The following NKAIN2 variants were observed in gnomAD, a reference collection of about 807,000 sequenced individuals.
The protein encoded by NKAIN2 is sodium/potassium-transporting ATPase subunit beta-1-interacting protein 2.
A neutral mutation model predicts 32.6 loss-of-function variants in NKAIN2; 14 were observed. That is an observed-to-expected ratio of 0.43 (90% CI 0.28 to 0.67). The LOEUF is 0.67. Among genes scored for constraint, NKAIN2 ranks in the 30% least tolerant of loss-of-function variants. The probability of loss-of-function intolerance (pLI) is 0.17; values close to 1 mark genes in which losing one functional copy is unlikely to be tolerated. For synonymous variants in NKAIN2, 80 were observed against 87.2 expected (o/e 0.92, Z 0.46); for missense variants, 198 against 258.3 (o/e 0.77, Z 1.60).
chr6:124,049,034 G>T (rs981368799), intron 1 of NKAIN2, among the ~76,000 whole-genome samples: 2 of 151,960 alleles, frequency 1.3e-5, no homozygotes, highest in Non-Finnish European at 2.9e-5. Context: ...TTATTTATAA[G>T]ATCACATAAG....
chr6:124,656,422 C>G (rs1223620441), intron 3 of NKAIN2, among the ~76,000 whole-genome samples: 2 of 152,142 alleles, frequency 1.3e-5, no homozygotes, highest in African/African-American at 4.8e-5. Flanking sequence ...CCATCCCTAT[C>G]TCACAACTAT....
intron 3 of NKAIN2, among the ~76,000 whole-genome samples, chr6:124,602,620 C>A (rs764993786): frequency 2.0e-5 from 3 of 151,818 alleles, no homozygotes; most frequent in African/African-American, 4.8e-5. Context: ...AAAAGACCAG[C>A]AACTATGAAC....
chr6:124,500,714 A>T (rs942067230), intron 3 of NKAIN2, among the ~76,000 whole-genome samples: 4 of 151,940 alleles, frequency 2.6e-5, no homozygotes, highest in Non-Finnish European at 4.4e-5. Flanking sequence ...AAATGGGAAG[A>T]TAGGGCTAAT....
At chr6:123,973,057 G>C (rs772112606) in intron 1 of NKAIN2, among the ~76,000 whole-genome samples, 20 of 151,990 alleles carry the variant, frequency 1.3e-4, no homozygotes, top group Non-Finnish European at 2.5e-4. Flanking sequence ...ACAAATATTG[G>C]CTGATGAAAA....
intron 1 of NKAIN2, among the ~76,000 whole-genome samples, chr6:124,221,245 T>G (rs1791798955): frequency 6.6e-6 from 1 of 152,074 alleles, no homozygotes; most frequent in African/African-American, 2.4e-5. Context: ...GATGAGTTCA[T>G]GTACTTTGTA....
chr6:124,453,322 A>ACACACACAC (rs1776183191), intron 3 of NKAIN2, among the ~76,000 whole-genome samples: 5 of 63,876 alleles, frequency 7.8e-5, no homozygotes, highest in African/African-American at 2.6e-4. Context: ...CATGCATATA[A>ACACACACAC]ACACACACAC....
chr6:123,862,475 C>T (rs927444845), intron 1 of NKAIN2, among the ~76,000 whole-genome samples: 10 of 152,096 alleles, frequency 6.6e-5, no homozygotes, highest in African/African-American at 2.2e-4. Flanking sequence ...AAAGGTTAAA[C>T]GCAGTAACAC....
chr6:124,192,028 A>G (rs950313455), intron 1 of NKAIN2, among the ~76,000 whole-genome samples: 2 of 152,044 alleles, frequency 1.3e-5, no homozygotes, highest in Non-Finnish European at 2.9e-5. Context: ...TATCAAATTT[A>G]TTAATATTTT....
intron 1 of NKAIN2, among the ~76,000 whole-genome samples, chr6:123,880,301 A>T (rs557236941): frequency 3.9e-5 from 6 of 152,344 alleles, no homozygotes; most frequent in Middle Eastern, 3.4e-3. Context: ...GTCAAGGTCT[A>T]GTGAGCCCTG....
intron 3 of NKAIN2, among the ~76,000 whole-genome samples, chr6:124,471,791 T>C (rs1776985101): frequency 1.3e-5 from 2 of 152,120 alleles, no homozygotes; most frequent in South Asian, 4.1e-4. Context: ...TTCTATCATA[T>C]TTGTTTTTAC....
chr6:123,934,864 GAA>G lies in NKAIN2; in HGVS notation c.54+130613_54+130614del, dbSNP rs893262637. Among the ~76,000 whole-genome samples the G allele has an allele frequency of 4.4e-4, 67 of 151,700 alleles. 1 individual carries two copies. Among genetic ancestry groups the G allele is most frequent in the African/African-American group, 1.6e-3 (66 of 41,456 alleles). On this transcript the variant is annotated intron_variant, in intron 1 of 6. Transcript: ENST00000368417. ...TTAGCTGTGCTGTTACAAGTCTCTA[GAA>G]AAGTTGTAAAATCTATTTTCTACAT...
intron 1 of NKAIN2, among the ~76,000 whole-genome samples, chr6:124,254,743 A>G (rs1335384048): frequency 6.6e-6 from 1 of 152,180 alleles, no homozygotes; most frequent in East Asian, 1.9e-4. Flanking sequence ...TTGAAGTACT[A>G]GAACTCTAAT....
intron 3 of NKAIN2, among the ~76,000 whole-genome samples, chr6:124,593,234 C>T (rs968411883): frequency 1.3e-4 from 17 of 134,936 alleles, no homozygotes; most frequent in African/African-American, 4.3e-4. Flanking sequence ...TGTTTGTGTG[C>T]GTGTGCACCT....
intron 3 of NKAIN2, among the ~76,000 whole-genome samples, chr6:124,523,142 C>CA (rs60961771): frequency 0.77 from 89,326 of 115,510 alleles, 36,299 homozygotes; most frequent in Non-Finnish European, 0.9. Flanking sequence ...GACTCCGTCT[C>CA]AAAAAAAAAA....
chr6:124,627,198 A>G (rs1000187213), intron 3 of NKAIN2, among the ~76,000 whole-genome samples: 2 of 152,144 alleles, frequency 1.3e-5, no homozygotes, highest in African/African-American at 4.8e-5. Context: ...TGAACATGGG[A>G]GGCGGAGGTT....
chr6:124,008,245 T>C (rs1451715348), intron 1 of NKAIN2, among the ~76,000 whole-genome samples: 1 of 152,200 alleles, frequency 6.6e-6, no homozygotes, highest in African/African-American at 2.4e-5. Context: ...TTTCCTCCTC[T>C]GCCTGCCAGG....
intron 4 of NKAIN2, among the ~76,000 whole-genome samples, chr6:124,787,034 G>A (rs531860376): frequency 5.3e-5 from 8 of 151,776 alleles, no homozygotes; most frequent in Non-Finnish European, 8.8e-5. Context: ...CCATCTCTCC[G>A]TACCCCTCTT....
chr6:124,746,957 A>G (rs1777478950), intron 4 of NKAIN2, among the ~76,000 whole-genome samples: 1 of 151,988 alleles, frequency 6.6e-6, no homozygotes, highest in South Asian at 2.1e-4. Flanking sequence ...AAAGAAAACA[A>G]AGACTAATTG....
At chr6:123,977,665 A>G (rs1394159875) in intron 1 of NKAIN2, among the ~76,000 whole-genome samples, 6 of 152,190 alleles carry the variant, frequency 3.9e-5, no homozygotes, top group Admixed American at 3.9e-4. Flanking sequence ...TGAATGCCAG[A>G]GATCCTTGCT....
Sources: gnomAD v4.1 joint callset for allele counts (sites outside exome capture counted in the v4.1 genomes callset) on GRCh38, gnomAD v4.1.1 for gene constraint, MANE v1.5 for transcripts, NCBI Gene and HGNC (gene_info 2026-07-23, HGNC 2026-07-21) for gene names.